The following LIN52 variants were observed in gnomAD, a reference collection of about 807,000 sequenced individuals.
The protein encoded by LIN52 is lin-52 DREAM MuvB core complex component.
A neutral mutation model predicts 18.5 loss-of-function variants in LIN52; 4 were observed. The observed-to-expected ratio is 0.22, with a 90% CI of 0.11 to 0.49. LIN52 has a LOEUF of 0.49. LIN52 is among the 20% of genes least tolerant of loss of function. LIN52 has a pLI of 0.97. For missense variants in LIN52, 102 were observed against 139.5 expected (o/e 0.73, Z 1.35); for synonymous variants, 34 against 45.5 (o/e 0.75, Z 1.02).
In LIN52 at chr14:74,190,389, C is replaced by CTTTTTTTTTTTTTT. The variant is rs68037994; in HGVS notation, c.284-8526_284-8513dup. Among the ~76,000 whole-genome samples, 4 of 106,304 alleles carry CTTTTTTTTTTTTTT rather than the reference C, an allele frequency of 3.8e-5. 1 individual carries two copies. Among genetic ancestry groups the CTTTTTTTTTTTTTT allele is most frequent in the East Asian group, 6.8e-4 (2 of 2,948 alleles). The allele number at this position is 106,304 out of a possible 152,430, so 69.7% of individuals were successfully genotyped here. The stretch of plus-strand genomic sequence containing the variant: ...GAAATGTTTTATTATGCCTAAATAA[C>CTTTTTTTTTTTTTT]TTTTTTTTTTTTTTTTTTTTGAGAC... On this transcript the variant is annotated intron_variant, in intron 5 of 5. Transcript: ENST00000555028.
At chr14:74,088,076 C>G (rs1461280300) in intron 1 of LIN52, among the ~76,000 whole-genome samples, 1 of 151,840 alleles carries the variant, frequency 6.6e-6, no homozygotes, top group Admixed American at 6.6e-5. Context: ...CCATGCCCAG[C>G]TAATTTATTA....
At chr14:74,123,508 A>G (rs1469820196) in intron 5 of LIN52, among the ~76,000 whole-genome samples, 1 of 152,284 alleles carries the variant, frequency 6.6e-6, no homozygotes, top group East Asian at 1.9e-4. Context: ...CTAGGTGGAA[A>G]TAAATACCTA....
intron 5 of LIN52, among the ~76,000 whole-genome samples, chr14:74,101,970 T>G (rs1006107924): frequency 1.3e-5 from 2 of 152,100 alleles, no homozygotes; most frequent in African/African-American, 4.8e-5. Flanking sequence ...AGACAGAGTC[T>G]CACTATATTG....
intron 2 of LIN52, among the ~76,000 whole-genome samples, chr14:74,094,262 T>TG (rs113359449): frequency 5.9e-5 from 9 of 151,774 alleles, no homozygotes; most frequent in Admixed American, 2.0e-4. Flanking sequence ...TTTGTAGTTT[T>TG]TTTTTTTTTT....
At chr14:74,144,017 A>G (rs1234928341) in intron 5 of LIN52, among the ~76,000 whole-genome samples, 6 of 151,640 alleles carry the variant, frequency 4.0e-5, no homozygotes, top group Non-Finnish European at 8.8e-5. Flanking sequence ...GATTCCACAT[A>G]TGAGTGAGAT....
intron 2 of LIN52, among the ~76,000 whole-genome samples, chr14:74,093,297 G>A (rs922132582): frequency 7.0e-6 from 1 of 143,596 alleles, no homozygotes; most frequent in African/African-American, 2.6e-5. Flanking sequence ...TATATAAAGC[G>A]TTTTCTCACC....
chr14:74,163,921 T>TA (rs1324406669), intron 5 of LIN52, among the ~76,000 whole-genome samples: 3 of 152,068 alleles, frequency 2.0e-5, no homozygotes, highest in Admixed American at 6.5e-5. Context: ...TCTCTAAAGT[T>TA]AAAACACAAT....
intron 5 of LIN52, among the ~76,000 whole-genome samples, chr14:74,134,723 G>A (rs377020646): frequency 6.6e-6 from 1 of 152,140 alleles, no homozygotes; most frequent in African/African-American, 2.4e-5. Flanking sequence ...CTAGAGTTAA[G>A]GTGAAGACTA....
chr14:74,100,934 T>A (rs1171481824), intron 4 of LIN52, among the ~76,000 whole-genome samples: 2 of 152,208 alleles, frequency 1.3e-5, no homozygotes, highest in Non-Finnish European at 2.9e-5. Flanking sequence ...CTAGTTCTTT[T>A]CTTATTAAGT....
At chr14:74,141,762 G>A (rs544471536) in intron 5 of LIN52, among the ~76,000 whole-genome samples, 1 of 152,296 alleles carries the variant, frequency 6.6e-6, no homozygotes, top group South Asian at 2.1e-4. Context: ...TCCCAGATAG[G>A]TGGGGAAAAC....
chr14:74,125,877 G>T (rs1248697004), intron 5 of LIN52, among the ~76,000 whole-genome samples: 1 of 134,878 alleles, frequency 7.4e-6, no homozygotes, highest in African/African-American at 2.8e-5. Context: ...ATCACACACC[G>T]GGGCCTGTTG....
intron 5 of LIN52, among the ~76,000 whole-genome samples, chr14:74,103,733 GTTTTTTTTTTTTTTT>G (rs573188668): frequency 2.4e-4 from 11 of 46,022 alleles, no homozygotes; most frequent in Non-Finnish European, 3.6e-4. Context: ...GGCCTGGCCA[GTTTTTTTTTTTTTTT>G]TTTTTTTTTT....
intron 5 of LIN52, among the ~76,000 whole-genome samples, chr14:74,128,966 AAAC>A (rs2061045017): frequency 6.6e-6 from 1 of 152,144 alleles, no homozygotes; most frequent in South Asian, 2.1e-4. Context: ...AACAAAACAA[AAAC>A]AACAACCCTG....
intron 5 of LIN52, among the ~76,000 whole-genome samples, chr14:74,173,435 C>T (rs1256341921): frequency 3.3e-5 from 5 of 152,152 alleles, no homozygotes; most frequent in Admixed American, 2.6e-4. Context: ...GATCCGCCCG[C>T]CTTGGCCTCC....
At chr14:74,109,100 T>C (rs2060912902) in intron 5 of LIN52, among the ~76,000 whole-genome samples, 1 of 152,204 alleles carries the variant, frequency 6.6e-6, no homozygotes, top group Non-Finnish European at 1.5e-5. Context: ...TCTAAATTAA[T>C]TCTTTCGCAT....
intron 1 of LIN52, among the ~76,000 whole-genome samples, chr14:74,086,188 T>C (rs983258860): frequency 6.6e-6 from 1 of 152,164 alleles, no homozygotes; most frequent in African/African-American, 2.4e-5. Flanking sequence ...AATTCCAAGT[T>C]TGTCTTGTTC....
At chr14:74,181,342 A>G (rs1183422572) in intron 5 of LIN52, among the ~76,000 whole-genome samples, 1 of 151,344 alleles carries the variant, frequency 6.6e-6, no homozygotes, top group Non-Finnish European at 1.5e-5. Flanking sequence ...CAGGGGGCTA[A>G]GGTGGGAGGA....
rs532531842 is a variant in LIN52 at position 74,100,968 on chromosome 14, TG to T, written c.200-186del. On this transcript the variant is annotated intron_variant, in intron 4 of 5. Transcript: ENST00000555028. ...GTGGGTAAGCTTATCTGAGGAATTT[TG>T]CAATAGTGGGAAAATTCCCTGATTT... is the stretch of plus-strand genomic sequence containing the variant. 5.4e-3 allele frequency among the ~76,000 whole-genome samples: 821 copies of T among 152,318 alleles called. 4 individuals carry two copies. Among genetic ancestry groups the T allele is most frequent in the Non-Finnish European group, 8.5e-3 (578 of 68,036 alleles).
intron 5 of LIN52, among the ~76,000 whole-genome samples, chr14:74,124,305 A>G (rs145241310): frequency 6.6e-6 from 1 of 152,304 alleles, no homozygotes; most frequent in Non-Finnish European, 1.5e-5. Flanking sequence ...TAGTTATACA[A>G]TAACACTTCA....
Sources: gnomAD v4.1 joint callset for allele counts (sites outside exome capture counted in the v4.1 genomes callset) on GRCh38, gnomAD v4.1.1 for gene constraint, MANE v1.5 for transcripts, NCBI Gene and HGNC (gene_info 2026-07-23, HGNC 2026-07-21) for gene names.